Variants in GMDS observed in about 807,000 individuals in gnomAD.
The protein encoded by GMDS is GDP-mannose 4,6-dehydratase.
GMDS carries 20 observed loss-of-function variants against 49.9 expected under a neutral mutation model. The ratio of observed to expected loss-of-function variants is 0.40; its 90% CI spans 0.28 to 0.58. GMDS has a LOEUF of 0.58. GMDS is among the 20% of genes least tolerant of loss of function. GMDS has a pLI of 0.42. For missense variants in GMDS, 362 were observed against 481.4 expected (o/e 0.75, Z 2.32); for synonymous variants, 177 against 178.6 (o/e 0.99, Z 0.07).
chr6:1,936,731 C>T (rs1028134504), intron 6 of GMDS, among the ~76,000 whole-genome samples: 1 of 152,116 alleles, frequency 6.6e-6, no homozygotes, highest in Non-Finnish European at 1.5e-5. Flanking sequence ...CTTTGGGAGG[C>T]TGAGGTGGGC....
chr6:1,902,449 G>A (rs1180944484), intron 7 of GMDS, among the ~76,000 whole-genome samples: 1 of 152,114 alleles, frequency 6.6e-6, no homozygotes, highest in Non-Finnish European at 1.5e-5. Context: ...CTAGAGGAAA[G>A]GCCTTAAAAA....
chr6:2,056,459 A>C (rs1311292983), intron 4 of GMDS, among the ~76,000 whole-genome samples: 1 of 152,212 alleles, frequency 6.6e-6, no homozygotes, highest in Admixed American at 6.5e-5. Flanking sequence ...AATCTGCACA[A>C]GAATAATGTC....
intron 7 of GMDS, among the ~76,000 whole-genome samples, chr6:1,763,770 C>G (rs780805501): frequency 1.3e-5 from 2 of 152,206 alleles, no homozygotes; most frequent in Non-Finnish European, 2.9e-5. Context: ...TCCATTGGTA[C>G]GAATCTGTCT....
intron 1 of GMDS, among the ~76,000 whole-genome samples, chr6:2,236,557 T>C (rs1343888417): frequency 5.3e-5 from 8 of 152,292 alleles, no homozygotes; most frequent in Middle Eastern, 3.4e-3. Flanking sequence ...AACACGTTTA[T>C]CAATATTGAT....
chr6:2,014,912 G>A (rs917409922), intron 4 of GMDS, among the ~76,000 whole-genome samples: 1 of 152,022 alleles, frequency 6.6e-6, no homozygotes, highest in Middle Eastern at 3.2e-3. Flanking sequence ...TCAAAAGAAA[G>A]TTATAATAGG....
chr6:2,207,813 T>G (rs1298632205), intron 1 of GMDS, among the ~76,000 whole-genome samples: 1 of 151,954 alleles, frequency 6.6e-6, no homozygotes, highest in Non-Finnish European at 1.5e-5. Context: ...ACTGTAAGGT[T>G]AACATGGCCA....
intron 7 of GMDS, among the ~76,000 whole-genome samples, chr6:1,924,136 A>G (rs1371695007): frequency 1.3e-5 from 2 of 152,244 alleles, no homozygotes; most frequent in African/African-American, 4.8e-5. Flanking sequence ...TCTTACATTT[A>G]AAACCTATAA....
intron 9 of GMDS, among the ~76,000 whole-genome samples, chr6:1,634,410 T>C (rs1763081366): frequency 6.6e-6 from 1 of 152,206 alleles, no homozygotes; most frequent in Admixed American, 6.5e-5. Context: ...TTAAAGGCCT[T>C]CTCCTTTCCC....
At chr6:1,771,674 T>A (rs1314481219) in intron 7 of GMDS, among the ~76,000 whole-genome samples, 7 of 152,230 alleles carry the variant, frequency 4.6e-5, no homozygotes, top group African/African-American at 1.4e-4. Context: ...TTTGTGCAAA[T>A]CTTACTGTAA....
At chr6:1,928,384 T>C (rs1762127864) in intron 7 of GMDS, among the ~76,000 whole-genome samples, 1 of 150,664 alleles carries the variant, frequency 6.6e-6, no homozygotes, top group African/African-American at 2.4e-5. Context: ...AAAAAAAGAA[T>C]ACCTATAGCT....
chr6:2,241,168 A>G (rs902092648), intron 1 of GMDS, among the ~76,000 whole-genome samples: 6 of 152,030 alleles, frequency 3.9e-5, no homozygotes, highest in Non-Finnish European at 8.8e-5. Flanking sequence ...CACCTCAAGG[A>G]GTCCTGGAAC....
At chr6:2,153,415 G>A (rs1453878543) in intron 1 of GMDS, among the ~76,000 whole-genome samples, 1 of 151,960 alleles carries the variant, frequency 6.6e-6, no homozygotes, top group Non-Finnish European at 1.5e-5. Flanking sequence ...ATGACAAACT[G>A]GAGGGAAAAA....
intron 1 of GMDS, among the ~76,000 whole-genome samples, chr6:2,242,547 C>T (rs1386863361): frequency 6.6e-6 from 1 of 152,240 alleles, no homozygotes; most frequent in Non-Finnish European, 1.5e-5. Context: ...AAGAGCCCAT[C>T]TTGGCACAAA....
chr6:2,211,568 C>T (rs2127583143), intron 1 of GMDS, among the ~76,000 whole-genome samples: 1 of 151,770 alleles, frequency 6.6e-6, no homozygotes, highest in South Asian at 2.1e-4. Flanking sequence ...CAAAATAAAC[C>T]AAAAGGATGC....
intron 9 of GMDS, among the ~76,000 whole-genome samples, chr6:1,697,179 C>T (rs1345262342): frequency 6.6e-6 from 1 of 152,174 alleles, no homozygotes; most frequent in African/African-American, 2.4e-5. Context: ...TCCTGAGGAA[C>T]AATTAACATC....
chr6:1,956,494 C>G (rs1260259086), intron 6 of GMDS, among the ~76,000 whole-genome samples: 1 of 152,134 alleles, frequency 6.6e-6, no homozygotes, highest in Non-Finnish European at 1.5e-5. Context: ...TTGACAATTA[C>G]ACTTTGTTAG....
intron 9 of GMDS, 164 bp from the exon 10 acceptor site, chr6:1,624,704 C>T: frequency 1.6e-6 from 1 of 610,714 alleles, no homozygotes; most frequent in Middle Eastern, 4.3e-4. Context: ...CGGCTCTCGG[C>T]GCCGTAAATC....
At chr6:2,074,399 T>C (rs759581615) in intron 4 of GMDS, among the ~76,000 whole-genome samples, 21 of 152,234 alleles carry the variant, frequency 1.4e-4, no homozygotes, top group Non-Finnish European at 2.9e-4. Context: ...CCTGCACATT[T>C]TGGATATCAG....
chr6:2,236,215 C>T (rs9501819), intron 1 of GMDS, among the ~76,000 whole-genome samples: 28,437 of 152,172 alleles, frequency 0.19, 2,846 homozygotes, highest in South Asian at 0.28. Flanking sequence ...CCACCTAGAC[C>T]CACCCAGCCA....
Sources: allele counts gnomAD v4.1 joint callset (sites outside exome capture counted in the v4.1 genomes callset), GRCh38; gene constraint gnomAD v4.1.1; transcripts MANE v1.5; gene names NCBI Gene and HGNC (gene_info 2026-07-23, HGNC 2026-07-21).